Variants in AGBL1 observed in about 807,000 individuals in gnomAD.
The protein encoded by AGBL1 is cytosolic carboxypeptidase 4.
In AGBL1, 130 loss-of-function variants were observed where a neutral mutation model predicts 118.9. The ratio of observed to expected loss-of-function variants is 1.09; its 90% confidence interval spans 0.95 to 1.26. The LOEUF is 1.26. AGBL1 is among the 50% of genes most tolerant of loss of function. The pLI is 0.00. For missense variants in AGBL1, 1,584 were observed against 1,298.1 expected (o/e 1.22, Z -3.38); for synonymous variants, 555 against 478.9 (o/e 1.16, Z -2.08).
At chr15:87,016,771 G>A (rs1773233433) in intron 24 of AGBL1, among the ~76,000 whole-genome samples, 1 of 152,100 alleles carries the variant, frequency 6.6e-6, no homozygotes, top group African/African-American at 2.4e-5. Context: ...AAGGGAAGTG[G>A]TGAGTGATTG....
intron 22 of AGBL1, among the ~76,000 whole-genome samples, chr15:86,805,619 A>G (rs551944065): frequency 3.5e-4 from 53 of 152,310 alleles, no homozygotes; most frequent in African/African-American, 1.3e-3. Flanking sequence ...AGATGTGTGG[A>G]CTTAACATAG....
chr15:86,849,089 T>C (rs534218126), intron 22 of AGBL1, among the ~76,000 whole-genome samples: 17 of 152,340 alleles, frequency 1.1e-4, no homozygotes, highest in African/African-American at 3.8e-4. Context: ...ACTCACTGTC[T>C]AGTGAGGAGA....
intron 5 of AGBL1, among the ~76,000 whole-genome samples, chr15:86,181,570 G>A (rs2077553446): frequency 6.6e-6 from 1 of 151,854 alleles, no homozygotes; most frequent in Non-Finnish European, 1.5e-5. Context: ...AAAATTTGAG[G>A]AGGATATTGA....
At chr15:86,268,076 A>G (rs993312177) in intron 13 of AGBL1, among the ~76,000 whole-genome samples, 1 of 152,242 alleles carries the variant, frequency 6.6e-6, no homozygotes, top group Non-Finnish European at 1.5e-5. Flanking sequence ...CATGGTCAGC[A>G]CTTAGTCAAC....
At position 86,912,474 on chromosome 15, in the gene AGBL1, A is replaced by G. The variant is rs979525009; in HGVS notation, c.*5180A>G. On this transcript the variant is annotated 3_prime_UTR_variant, in exon 23 of 23. Transcript: ENST00000614907. ...TCTCCTTGCAATCCCATCAATAAGA[A>G]TCAGCATCCAAGAATTCCATACATT... 11 of 152,200 alleles carry G rather than the reference A, an allele frequency of 7.2e-5. No individual in the cohort carries two copies. Among genetic ancestry groups the G allele is most frequent in the Admixed American group, 7.2e-4 (11 of 15,276 alleles). The allele number at this position is 152,200 out of a possible 1,614,324, so 9.4% of individuals were successfully genotyped here.
chr15:87,002,114 C>A (rs1367054126), intron 24 of AGBL1, among the ~76,000 whole-genome samples: 1 of 151,890 alleles, frequency 6.6e-6, no homozygotes, highest in Non-Finnish European at 1.5e-5. Context: ...GGTTTTAGGT[C>A]TAACATTTAA....
intron 17 of AGBL1, among the ~76,000 whole-genome samples, chr15:86,384,831 C>T (rs1419684680): frequency 1.3e-5 from 2 of 151,976 alleles, no homozygotes; most frequent in South Asian, 2.1e-4. Context: ...CAAAGAAATA[C>T]GAGTTGGTAA....
At chr15:86,402,862 A>G (rs2081468453) in intron 18 of AGBL1, among the ~76,000 whole-genome samples, 1 of 152,110 alleles carries the variant, frequency 6.6e-6, no homozygotes, top group Non-Finnish European at 1.5e-5. Context: ...AAGAAAATAC[A>G]AAGATGGAAG....
chr15:86,761,147 AT>A (rs1372597473), intron 22 of AGBL1, among the ~76,000 whole-genome samples: 2 of 152,026 alleles, frequency 1.3e-5, no homozygotes, highest in Admixed American at 1.3e-4. Context: ...TCCGGAATTA[AT>A]TTTGATCATG....
intron 21 of AGBL1, among the ~76,000 whole-genome samples, chr15:86,570,433 A>G (rs1296443810): frequency 1.3e-5 from 2 of 152,234 alleles, no homozygotes; most frequent in Admixed American, 6.5e-5. Context: ...AGACATTTAC[A>G]GCTGCTACCT....
At chr15:86,986,054 G>C (rs559231424) in intron 23 of AGBL1, among the ~76,000 whole-genome samples, 3 of 152,080 alleles carry the variant, frequency 2.0e-5, no homozygotes, top group African/African-American at 7.2e-5. Context: ...CTCCCAAGTA[G>C]CTGGGATTAT....
chr15:86,108,366 T>A (rs1476282687), intron 1 of AGBL1, among the ~76,000 whole-genome samples: 1 of 152,018 alleles, frequency 6.6e-6, no homozygotes, highest in African/African-American at 2.4e-5. Context: ...TATAAATAGA[T>A]AAATAGATAG....
chr15:86,408,766 CA>C (rs1416216040), intron 18 of AGBL1, among the ~76,000 whole-genome samples: 3 of 152,082 alleles, frequency 2.0e-5, no homozygotes, highest in African/African-American at 7.2e-5. Context: ...GGGAGATGGG[CA>C]AAAGGGTTTT....
chr15:86,898,409 A>G (rs1378218355), intron 22 of AGBL1, among the ~76,000 whole-genome samples: 1 of 152,192 alleles, frequency 6.6e-6, no homozygotes, highest in Non-Finnish European at 1.5e-5. Context: ...GTCCAGCTTC[A>G]ATCTGCTGCA....
intron 22 of AGBL1, among the ~76,000 whole-genome samples, chr15:86,831,150 A>G (rs754433751): frequency 1.3e-5 from 2 of 152,140 alleles, no homozygotes; most frequent in East Asian, 1.9e-4. Flanking sequence ...ACCTGCCCGC[A>G]TGATTCAATT....
intron 22 of AGBL1, among the ~76,000 whole-genome samples, chr15:86,754,041 A>C (rs2077897149): frequency 6.6e-6 from 1 of 152,148 alleles, no homozygotes; most frequent in Admixed American, 6.6e-5. Flanking sequence ...ACTTGAGTCA[A>C]AGACTTGGCT....
At chr15:86,113,205 CT>C (rs1897504429) in intron 1 of AGBL1, among the ~76,000 whole-genome samples, 1 of 123,508 alleles carries the variant, frequency 8.1e-6, no homozygotes, top group Admixed American at 7.9e-5. Flanking sequence ...TTTATTTTTT[CT>C]TTTTCTTTTT....
intron 5 of AGBL1, among the ~76,000 whole-genome samples, chr15:86,189,057 A>C (rs1597515426): frequency 6.6e-6 from 1 of 152,208 alleles, no homozygotes; most frequent in Admixed American, 6.5e-5. Flanking sequence ...TTCAGAATTG[A>C]GAAAATGTCA....
intron 24 of AGBL1, among the ~76,000 whole-genome samples, chr15:87,028,484 A>G (rs2081756285): frequency 6.6e-6 from 1 of 151,972 alleles, no homozygotes; most frequent in Admixed American, 6.6e-5. Flanking sequence ...GATAATATCA[A>G]TAATATTAAT....
Sources: allele counts gnomAD v4.1 joint callset (sites outside exome capture counted in the v4.1 genomes callset), GRCh38; gene constraint gnomAD v4.1.1; transcripts MANE v1.5; gene names NCBI Gene and HGNC (gene_info 2026-07-23, HGNC 2026-07-21).